The following NCAM2 variants were observed in gnomAD, a reference collection of about 807,000 sequenced individuals.
NCAM2 encodes the protein neural cell adhesion molecule 2.
A neutral mutation model predicts 98.1 loss-of-function variants in NCAM2; 30 were observed. The ratio of observed to expected loss-of-function variants is 0.31; its 90% confidence interval spans 0.23 to 0.41. NCAM2 has a LOEUF of 0.41. Among genes scored for constraint, NCAM2 ranks in the 10% least tolerant of loss-of-function variants. NCAM2 has a pLI of 1.00. For missense variants in NCAM2, 867 were observed against 1,005.8 expected (o/e 0.86, Z 1.87); for synonymous variants, 368 against 342.4 (o/e 1.07, Z -0.83).
chr21:21,452,597 T>A (rs1407162887), intron 12 of NCAM2, among the ~76,000 whole-genome samples: 15 of 119,058 alleles, frequency 1.3e-4, no homozygotes, highest in Non-Finnish European at 1.8e-4. Flanking sequence ...GTATTGTGCA[T>A]ATAATTGTAT....
chr21:21,370,132 G>T (rs2075882037), intron 8 of NCAM2, among the ~76,000 whole-genome samples: 1 of 151,792 alleles, frequency 6.6e-6, no homozygotes, highest in Non-Finnish European at 1.5e-5. Context: ...ATTTTGACTT[G>T]TCCTTCCGTT....
chr21:21,163,935 C>A (rs2067869967), intron 1 of NCAM2, among the ~76,000 whole-genome samples: 1 of 152,112 alleles, frequency 6.6e-6, no homozygotes, highest in Admixed American at 6.5e-5. Flanking sequence ...TCTGATGGCC[C>A]CAGTTTTCTC....
intron 1 of NCAM2, among the ~76,000 whole-genome samples, chr21:21,041,263 A>G (rs2064898771): frequency 6.6e-6 from 1 of 152,224 alleles, no homozygotes; most frequent in Non-Finnish European, 1.5e-5. Context: ...AGTACAGTCT[A>G]GCATAAGGTA....
chr21:21,055,326 A>G (rs1249818169), intron 1 of NCAM2, among the ~76,000 whole-genome samples: 2 of 151,954 alleles, frequency 1.3e-5, no homozygotes, highest in East Asian at 3.9e-4. Flanking sequence ...CTGTGTGATT[A>G]TGCCCACTGG....
intron 16 of NCAM2, 36 bp downstream of exon 16, chr21:21,509,091 C>T: frequency 6.2e-7 from 1 of 1,605,300 alleles, no homozygotes; most frequent in Non-Finnish European, 8.5e-7. Flanking sequence ...TCATATTAAA[C>T]AAGCGCCACA....
chr21:21,140,432 TA>T (rs142451131), intron 1 of NCAM2, among the ~76,000 whole-genome samples: 1,733 of 152,246 alleles, frequency 0.011, 47 homozygotes, highest in African/African-American at 0.038. Context: ...TTGGTGAAAA[TA>T]AAACCATTAG....
chr21:21,155,589 T>C (rs567514362), intron 1 of NCAM2, among the ~76,000 whole-genome samples: 3 of 151,926 alleles, frequency 2.0e-5, no homozygotes, highest in African/African-American at 4.8e-5. Flanking sequence ...ATTAATGTTA[T>C]AATGTAATCT....
At chr21:21,388,462 G>A (rs902584220) in intron 9 of NCAM2, among the ~76,000 whole-genome samples, 2 of 152,116 alleles carry the variant, frequency 1.3e-5, no homozygotes, top group African/African-American at 4.8e-5. Context: ...AAGAGGCAGC[G>A]CAGAGGCTAA....
At chr21:21,404,389 A>G (rs1349663941) in intron 9 of NCAM2, among the ~76,000 whole-genome samples, 1 of 152,128 alleles carries the variant, frequency 6.6e-6, no homozygotes, top group Non-Finnish European at 1.5e-5. Context: ...GTAGTGAATA[A>G]GTCTCACGAG....
intron 12 of NCAM2, among the ~76,000 whole-genome samples, chr21:21,446,295 T>A (rs529446466): frequency 3.3e-5 from 5 of 152,076 alleles, no homozygotes; most frequent in Admixed American, 6.6e-5. Context: ...GAGCATCTGA[T>A]GATTATGTGT....
intron 1 of NCAM2, among the ~76,000 whole-genome samples, chr21:21,237,883 A>T (rs1450424443): frequency 6.6e-6 from 1 of 152,060 alleles, no homozygotes; most frequent in Non-Finnish European, 1.5e-5. Context: ...ATACTAAAAA[A>T]AAAATGATAC....
At chr21:21,492,663 A>T (rs1986931848) in intron 15 of NCAM2, among the ~76,000 whole-genome samples, 1 of 151,828 alleles carries the variant, frequency 6.6e-6, no homozygotes. Context: ...AAAGTAAGAT[A>T]TTTTCATCTC....
intron 1 of NCAM2, among the ~76,000 whole-genome samples, chr21:21,163,510 A>C (rs533762735): frequency 1.3e-5 from 2 of 152,152 alleles, no homozygotes; most frequent in East Asian, 3.9e-4. Context: ...TTATTGTTAG[A>C]TTCAAAACAT....
rs1349868171 is a variant in NCAM2, at chr21:21,542,911, A to G, written c.*4954A>G. 3.3e-5 allele frequency: 5 copies of G among 151,910 alleles called. No individual in the cohort carries two copies. Among genetic ancestry groups the G allele is most frequent in the Non-Finnish European group, 7.4e-5 (5 of 67,882 alleles). The allele number at this position is 151,910 out of a possible 1,614,324, so 9.4% of individuals were successfully genotyped here. A position where few individuals can be genotyped will look rare whatever the true frequency, so the allele number is the denominator to read the frequency against. On this transcript the variant is annotated 3_prime_UTR_variant, in exon 18 of 18. Transcript: ENST00000400546. The stretch of plus-strand genomic sequence containing the variant: ...TACTATAAAAGAAATGATACTATTA[A>G]GAACAAACCTACTTGTTCCAACTCT...
chr21:21,340,781 G>A (rs909696529), intron 8 of NCAM2, among the ~76,000 whole-genome samples: 1 of 151,916 alleles, frequency 6.6e-6, no homozygotes, highest in African/African-American at 2.4e-5. Context: ...AGTTTATCTA[G>A]TTTTGAATCT....
intron 1 of NCAM2, among the ~76,000 whole-genome samples, chr21:21,098,225 A>C (rs1469898716): frequency 6.6e-6 from 1 of 151,610 alleles, no homozygotes; most frequent in Non-Finnish European, 1.5e-5. Context: ...TTGATGTTTC[A>C]GAAGTTAACC....
At chr21:21,396,830 C>T (rs1408940030) in intron 9 of NCAM2, among the ~76,000 whole-genome samples, 1 of 152,218 alleles carries the variant, frequency 6.6e-6, no homozygotes, top group Non-Finnish European at 1.5e-5. Context: ...CACGCCACAG[C>T]CCTGGCATGG....
chr21:21,292,052 G>T, intron 4 of NCAM2, 52 bp from the exon 5 acceptor site: 2 of 1,573,616 alleles, frequency 1.3e-6, no homozygotes, highest in South Asian at 1.2e-5. Flanking sequence ...GAGCACTCTG[G>T]ACTTAGCCTT....
chr21:21,462,447 A>G (rs1029897459), intron 12 of NCAM2, among the ~76,000 whole-genome samples: 2 of 151,992 alleles, frequency 1.3e-5, no homozygotes, highest in African/African-American at 4.8e-5. Flanking sequence ...TATAGCCTCT[A>G]CTTCTCTTGA....
Sources: allele counts gnomAD v4.1 joint callset (sites outside exome capture counted in the v4.1 genomes callset), GRCh38; gene constraint gnomAD v4.1.1; transcripts MANE v1.5; gene names NCBI Gene and HGNC (gene_info 2026-07-23, HGNC 2026-07-21).